STEAP3: variants seen among roughly 807,000 people sequenced by gnomAD.
STEAP3 encodes the protein STEAP3 metalloreductase.
STEAP3 carries 35 observed loss-of-function variants against 34.9 expected under a neutral mutation model. That is an observed-to-expected ratio of 1.00 (90% confidence interval 0.76 to 1.33). The LOEUF (loss-of-function observed/expected upper bound fraction) is 1.33. Ranked by LOEUF, STEAP3 falls within the 40% of genes most tolerant of loss-of-function variation. The pLI is 0.00. For missense variants in STEAP3, 652 were observed against 667.6 expected (o/e 0.98, Z 0.26); for synonymous variants, 281 against 301.6 (o/e 0.93, Z 0.71).
rs371377361 is a variant in STEAP3 at position 119,245,936 on chromosome 2, A to G, written c.470A>G (p.Asn157Ser). 10 of 1,613,808 alleles carry G rather than the reference A, an allele frequency of 6.2e-6. No homozygotes were observed. The highest frequency in any genetic ancestry group is 8.5e-6 in the Non-Finnish European group (10 of 1,180,034). ...ACTTGCACAGTGGTCAAGGCCTTCA[A>G]TGTCATCTCTGCCTGGACCCTGCAG... ...FPTCTVVKAF[N>S]VISAWTLQAG... The change falls in exon 3 of 6, where the codon AAT becomes AGT. Residue 157 changes from asparagine to serine, a missense_variant. Physicochemically the swap from Asn to Ser is conservative, Grantham distance 46. Transcript: ENST00000393110.
At chr2:119,227,087 G>C (rs1445244448) in intron 1 of STEAP3, among the ~76,000 whole-genome samples, 1 of 152,198 alleles carries the variant, frequency 6.6e-6, no homozygotes, top group Non-Finnish European at 1.5e-5. Context: ...CAGGATGAGT[G>C]TTGTTGTCAT....
At chr2:119,261,347 G>A (rs77428881) in intron 5 of STEAP3, among the ~76,000 whole-genome samples, 3,209 of 152,210 alleles carry the variant, frequency 0.021, 93 homozygotes, top group African/African-American at 0.072. Flanking sequence ...TCAGTGTGCC[G>A]CCACACTTAA....
intron 1 of STEAP3, among the ~76,000 whole-genome samples, chr2:119,226,532 A>G (rs969546533): frequency 1.3e-5 from 2 of 152,098 alleles, no homozygotes; most frequent in Admixed American, 6.5e-5. Context: ...AAACCATCCC[A>G]ATTTGAGAGG....
At chr2:119,229,200 TG>T (rs1455220313) in intron 1 of STEAP3, among the ~76,000 whole-genome samples, 1 of 152,204 alleles carries the variant, frequency 6.6e-6, no homozygotes, top group East Asian at 1.9e-4. Flanking sequence ...TGGAGTACAG[TG>T]GTGCCATCTC....
intron 2 of STEAP3, among the ~76,000 whole-genome samples, chr2:119,238,943 A>C (rs1228950623): frequency 6.6e-6 from 1 of 152,166 alleles, no homozygotes; most frequent in Non-Finnish European, 1.5e-5. Flanking sequence ...AACACACAGC[A>C]ATCTTGCCCT....
rs764990160 is a variant in STEAP3, at chr2:119,247,827, T to G, written c.671T>G (p.Val224Gly). The G allele has an allele frequency of 5.6e-6, 9 of 1,613,038 alleles. No homozygotes were observed. The change falls in exon 4 of 6, where the codon GTG becomes GGG. Residue 224 changes from valine to glycine, a missense_variant. Coordinates refer to ENST00000393110, the MANE Select transcript of STEAP3 (RefSeq NM_182915.3). ...CTGCGCCTCCTCCCGGCCTGGAAGG[T>G]GCCCACCCTGCTGGCCCTGGGGCTC... ...MPLRLLPAWKVPTLLALGLFV... is the reference protein window; with the variant it reads ...MPLRLLPAWKGPTLLALGLFV...
At chr2:119,253,236 G>A (rs1677676762) in intron 4 of STEAP3, among the ~76,000 whole-genome samples, 1 of 152,200 alleles carries the variant, frequency 6.6e-6, no homozygotes, top group African/African-American at 2.4e-5. Flanking sequence ...TGGTGGTCAG[G>A]ACAAGAGGCT....
intron 4 of STEAP3, among the ~76,000 whole-genome samples, chr2:119,253,466 G>A (rs1200937256): frequency 2.0e-5 from 3 of 150,898 alleles, no homozygotes; most frequent in Admixed American, 6.6e-5. Context: ...AACTGAGCTC[G>A]TGTTTTTTTT....
chr2:119,247,575 A>G, intron 3 of STEAP3, 104 bp from the exon 4 acceptor site: 2 of 1,322,070 alleles, frequency 1.5e-6, no homozygotes, highest in Non-Finnish European at 2.0e-6. Flanking sequence ...TCACTTGAAC[A>G]AGTCCCTGCC....
intron 2 of STEAP3, among the ~76,000 whole-genome samples, chr2:119,244,109 A>G: frequency 6.6e-6 from 1 of 152,168 alleles, no homozygotes. Flanking sequence ...CACAGCGAAA[A>G]TATTTTTTAA....
chr2:119,248,271 C>A (rs562124996), intron 4 of STEAP3, 65 bp downstream of exon 4: 145 of 1,493,552 alleles, frequency 9.7e-5, no homozygotes, highest in Admixed American at 1.4e-4. Flanking sequence ...ACCTCCCCCC[C>A]CCACCAACCA....
intron 4 of STEAP3, among the ~76,000 whole-genome samples, chr2:119,251,370 G>A (rs1378709348): frequency 6.6e-6 from 1 of 152,180 alleles, no homozygotes; most frequent in East Asian, 1.9e-4. Context: ...GCCAGCTGTA[G>A]AGAAAACCTT....
chr2:119,231,056 A>G (rs781165981), intron 2 of STEAP3, 22 bp downstream of exon 2: 1 of 1,613,934 alleles, frequency 6.2e-7, no homozygotes, highest in African/African-American at 1.3e-5. Flanking sequence ...TAGGACGCAG[A>G]TCCAAGGGGG....
At chr2:119,233,785 G>T (rs1263733753) in intron 2 of STEAP3, among the ~76,000 whole-genome samples, 1 of 152,194 alleles carries the variant, frequency 6.6e-6, no homozygotes, top group Non-Finnish European at 1.5e-5. Flanking sequence ...CCAGGTGGAG[G>T]CCAGGAGCTG....
chr2:119,246,018 A>G (rs760762767), intron 3 of STEAP3, 30 bp downstream of exon 3: 1 of 1,584,696 alleles, frequency 6.3e-7, no homozygotes, highest in Non-Finnish European at 8.6e-7. Context: ...TACCCATCGT[A>G]ACAATAAATA....
Position 119,248,055 on chromosome 2 carries a change from G to A in STEAP3, c.899G>A (p.Arg300His), listed in dbSNP as rs138941861. 4.0e-4 allele frequency: 650 copies of A among 1,608,722 alleles called. 4 individuals carry two copies. In the East Asian group the frequency reaches 0.012, roughly 30 times the overall value. ...LQLRRGTKYQ[R>H]FPDWLDHWLQ... ...CTGCGGCGCGGCACCAAGTACCAGC[G>A]CTTCCCCGACTGGCTGGACCACTGG... The change falls in exon 4 of 6, where the codon CGC (arginine) becomes CAC (histidine). Residue 300 changes from arginine to histidine, a missense_variant. Coordinates refer to ENST00000393110, the MANE Select transcript of STEAP3 (RefSeq NM_182915.3).
At chr2:119,251,360 G>A (rs1424074144) in intron 4 of STEAP3, among the ~76,000 whole-genome samples, 1 of 152,210 alleles carries the variant, frequency 6.6e-6, no homozygotes. Context: ...AAAGGTGTAT[G>A]CCAGCTGTAG....
At chr2:119,228,904 C>T (rs1008562316) in intron 1 of STEAP3, among the ~76,000 whole-genome samples, 4 of 152,162 alleles carry the variant, frequency 2.6e-5, no homozygotes, top group South Asian at 2.1e-4. Flanking sequence ...CCTCCAGGAA[C>T]GCGTACTCTC....
In STEAP3 at chr2:119,223,854, G is replaced by T. The variant is rs1426812180; in HGVS notation, c.-428G>T. 1 of 152,210 alleles carries T rather than the reference G, an allele frequency of 6.6e-6. No homozygotes were observed. Among genetic ancestry groups the T allele is most frequent in the African/African-American group, 2.4e-5 (1 of 41,454 alleles). 9.4% of individuals were successfully genotyped at this position (152,210 alleles called of 1,614,324 possible). A position where few individuals can be genotyped will look rare whatever the true frequency, so the allele number is the denominator to read the frequency against. On this transcript the variant is annotated 5_prime_UTR_variant, in exon 1 of 6. Transcript: ENST00000393110. ...CCACCGCCTTCGCCGCGGACCTTCA[G>T]CTGCCGCGGTCGCTCCGAGCGGCGG...
Sources: gnomAD v4.1 joint callset for allele counts (sites outside exome capture counted in the v4.1 genomes callset) on GRCh38, gnomAD v4.1.1 for gene constraint, MANE v1.5 for transcripts, NCBI Gene and HGNC (gene_info 2026-07-23, HGNC 2026-07-21) for gene names.